KCNQ1: variants seen among roughly 807,000 people sequenced by gnomAD.
The protein encoded by KCNQ1 is potassium voltage-gated channel subfamily Q member 1.
A neutral mutation model predicts 72.4 loss-of-function variants in KCNQ1; 49 were observed. That is an observed-to-expected ratio of 0.68 (90% CI 0.54 to 0.86). KCNQ1 has a LOEUF of 0.86. Among genes scored for constraint, KCNQ1 ranks in the 40% least tolerant of loss-of-function variants. The pLI, the probability that KCNQ1 is intolerant of heterozygous loss-of-function variation, is 0.00. For missense variants in KCNQ1, 790 were observed against 945.1 expected, an observed-to-expected ratio of 0.84 and a Z score of 2.15; for synonymous variants, 450 against 412.6, an observed-to-expected ratio of 1.09 and a Z score of -1.10.
rs79617194 is a variant in KCNQ1 at position 2,582,861 on chromosome 11, G to C, written c.922-574G>C. Among the ~76,000 whole-genome samples, 20 of 152,268 alleles carry C rather than the reference G, an allele frequency of 1.3e-4. No individual in the cohort carries two copies. The East Asian group carries it at 3.3e-3, about 25-fold the overall frequency. On this transcript the variant is annotated intron_variant, in intron 6 of 15. Coordinates refer to ENST00000155840, the MANE Select transcript of KCNQ1 (RefSeq NM_000218.3). ...CAGATGCCAGCGCGGGGGAAAGGGT[G>C]GGGGGAGCCTTCTATTGTCCCACCA...
At chr11:2,619,096 A>G (rs1849119478) in intron 10 of KCNQ1, 5 of 398,352 alleles carry the variant, frequency 1.3e-5, no homozygotes, top group South Asian at 1.3e-4. Flanking sequence ...GGGGTTTTCT[A>G]TATGTAGGAT....
chr11:2,629,202 T>C, intron 10 of KCNQ1: 1 of 398,380 alleles, frequency 2.5e-6, no homozygotes, highest in African/African-American at 2.1e-5. Flanking sequence ...ATTTCGGCAA[T>C]ATTTATTCTA....
rs1351526469 is a variant in KCNQ1, at chr11:2,782,051, CCA to C, written c.1794+4015_1794+4016del. 1.3e-5 allele frequency among the ~76,000 whole-genome samples: 2 copies of C among 152,270 alleles called. No individual in the cohort carries two copies. The highest frequency in any genetic ancestry group is 2.9e-5 in the Non-Finnish European group (2 of 68,010). On this transcript the variant is annotated intron_variant, in intron 15 of 15. Transcript: ENST00000155840. This position sits in a 1 kb window ranked among gnomAD's most constrained non-coding sequence, Gnocchi z 6.1. ...GCCTCCCAGAATTGGGTGTTTGCCC[CCA>C]GACACTGCTACCCTTTCCCTCATTC...
Position 2,651,725 on chromosome 11 carries a change from A to G in KCNQ1, c.1394-10236A>G. On this transcript the variant is annotated intron_variant, in intron 10 of 15. Coordinates refer to ENST00000155840, the MANE Select transcript of KCNQ1 (RefSeq NM_000218.3). This position sits in a 1 kb window ranked among gnomAD's most constrained non-coding sequence, Gnocchi z 6.1. ...CATTTCCTAAGTAAGCATCATCCTC[A>G]TTTCTATACGTTTTCTCTGATTACT... 2.5e-6 allele frequency: 1 copy of G among 398,290 alleles called. No individual in the cohort carries two copies. The highest frequency in any genetic ancestry group is 4.4e-6 in the Non-Finnish European group (1 of 226,022). The allele number at this position is 398,290 out of a possible 1,614,324, so 24.7% of individuals were successfully genotyped here.
At position 2,674,544 on chromosome 11, in the gene KCNQ1, C is replaced by T. The variant is rs1377977434; in HGVS notation, c.1514+12463C>T. ...GCAAAGCCCATTCGGAGGATTTAGA[C>T]AAATACCTCGAGTGAGTGAATCTGA... On this transcript the variant is annotated intron_variant, in intron 11 of 15. Transcript: ENST00000155840. This position sits in a 1 kb window ranked among gnomAD's most constrained non-coding sequence, Gnocchi z 5.9. The T allele has an allele frequency of 2.5e-6, 1 of 398,452 alleles. No individual in the cohort carries two copies. Among genetic ancestry groups the T allele is most frequent in the African/African-American group, 2.1e-5 (1 of 48,628 alleles). The allele number at this position is 398,452 out of a possible 1,614,324, so 24.7% of individuals were successfully genotyped here. A position where few individuals can be genotyped will look rare whatever the true frequency, so the allele number is the denominator to read the frequency against.
intron 1 of KCNQ1, among the ~76,000 whole-genome samples, chr11:2,504,367 T>G (rs1405487354): frequency 6.7e-6 from 1 of 149,758 alleles, no homozygotes; most frequent in Non-Finnish European, 1.5e-5. Context: ...AGATGGTTAA[T>G]GGAAACAAAA....
rs989603315 is a variant in KCNQ1, at chr11:2,514,968, G to A, written c.387-12960G>A. Among the ~76,000 whole-genome samples the A allele has an allele frequency of 3.9e-5, 6 of 152,160 alleles. 1 individual carries two copies. In the East Asian group the frequency reaches 5.8e-4, roughly 15 times the overall value. ...GGCCTTCGCTGTCCTTCCGCACCTC[G>A]CCCCCTTCCCGAGTGGAGGTGCTCT... On this transcript the variant is annotated intron_variant, in intron 1 of 15. Transcript: ENST00000155840.
In KCNQ1 at chr11:2,800,752, C is replaced by T. The variant is rs192116993; in HGVS notation, c.1794+22715C>T. Among the ~76,000 whole-genome samples the T allele has an allele frequency of 3.3e-3, 496 of 152,274 alleles. 2 individuals carry two copies. The highest frequency in any genetic ancestry group is 0.01 in the Middle Eastern group (3 of 294). ...CAACCCTAAAATGGGGACATGCTTGCGGGGGTTCAGGAGATCCCCATTGAG... is the reference window on the plus strand; with the variant it reads ...CAACCCTAAAATGGGGACATGCTTGTGGGGGTTCAGGAGATCCCCATTGAG... On this transcript the variant is annotated intron_variant, in intron 15 of 15. Coordinates refer to ENST00000155840, the MANE Select transcript of KCNQ1 (RefSeq NM_000218.3).
At chr11:2,573,024 C>T (rs1387981678) in intron 6 of KCNQ1, 38 bp downstream of exon 6, 2 of 1,604,786 alleles carry the variant, frequency 1.2e-6, no homozygotes, top group Admixed American at 1.7e-5. Context: ...ACAGGGGCAG[C>T]TCAGGCTGAG....
In KCNQ1 at chr11:2,451,347, TC is replaced by T. The variant is rs1846116508; in HGVS notation, c.386+5865del. On this transcript the variant is annotated intron_variant, in intron 1 of 15. Coordinates refer to ENST00000155840, the MANE Select transcript of KCNQ1 (RefSeq NM_000218.3). The surrounding 1 kb of genome is among the most constrained non-coding windows in gnomAD (Gnocchi z 6.4). Reference sequence around the variant, plus strand: ...TGTGAGAATCTAATGCCACCGCTGATCCAACAGGAGGTAGAGCTCAGGTGGC... The same window carrying T: ...TGTGAGAATCTAATGCCACCGCTGATCAACAGGAGGTAGAGCTCAGGTGGC... 6.6e-6 allele frequency among the ~76,000 whole-genome samples: 1 copy of T among 152,210 alleles called. No individual in the cohort carries two copies. Among genetic ancestry groups the T allele is most frequent in the Non-Finnish European group, 1.5e-5 (1 of 68,036 alleles).
In KCNQ1 at chr11:2,581,655, C is replaced by A. The variant is rs116848340; in HGVS notation, c.922-1780C>A. ...TGTCAGGCTCGGACATGGGGACCAG[C>A]TCCCTTTTCACATGACCTTGTCATC... On this transcript the variant is annotated intron_variant, in intron 6 of 15. Transcript: ENST00000155840. 4.3e-4 allele frequency among the ~76,000 whole-genome samples: 65 copies of A among 152,380 alleles called. No individual in the cohort carries two copies. The East Asian group carries it at 8.9e-3, about 21-fold the overall frequency.
chr11:2,532,401 C>A (rs556226889), intron 2 of KCNQ1, among the ~76,000 whole-genome samples: 1 of 152,342 alleles, frequency 6.6e-6, no homozygotes, highest in East Asian at 1.9e-4. Context: ...ACTCGCCTTG[C>A]CACACTTCCC....
rs1846114578 is a variant in KCNQ1 at position 2,451,167 on chromosome 11, A to G, written c.386+5683A>G. 3.9e-5 allele frequency among the ~76,000 whole-genome samples: 6 copies of G among 152,326 alleles called. No homozygotes were observed. The South Asian group carries it at 1.2e-3, about 32-fold the overall frequency. ...AGCAGTCCCCAACCTTTTTAGTACC[A>G]GAGACCTGTTTTATGGAAGAAAGAT... On this transcript the variant is annotated intron_variant, in intron 1 of 15. Transcript: ENST00000155840. This position sits in a 1 kb window ranked among gnomAD's most constrained non-coding sequence, Gnocchi z 6.4.
In KCNQ1 at chr11:2,677,215, TCAAC is replaced by T; in HGVS notation, c.1514+15138_1514+15141del. ...GACTGACCTCTTTGGCTGTCTCTTG[TCAAC>T]CAAAGACAATATAAAGCACACACAA... is the stretch of plus-strand genomic sequence containing the variant. On this transcript the variant is annotated intron_variant, in intron 11 of 15. Transcript: ENST00000155840. The surrounding 1 kb of genome is among the most constrained non-coding windows in gnomAD (Gnocchi z 4.5). 7.5e-6 allele frequency: 3 copies of T among 398,604 alleles called. No homozygotes were observed. The highest frequency in any genetic ancestry group is 1.3e-5 in the Non-Finnish European group (3 of 226,058). 24.7% of individuals were successfully genotyped at this position (398,604 alleles called of 1,614,324 possible).
chr11:2,575,456 A>G (rs929685763), intron 6 of KCNQ1, among the ~76,000 whole-genome samples: 5 of 152,138 alleles, frequency 3.3e-5, no homozygotes, highest in African/African-American at 1.2e-4. Flanking sequence ...GGCCTGAGTT[A>G]TGGGCTGTGT....
chr11:2,825,095 G>T (rs1241514484), intron 15 of KCNQ1, among the ~76,000 whole-genome samples: 1 of 152,242 alleles, frequency 6.6e-6, no homozygotes, highest in Non-Finnish European at 1.5e-5. Context: ...CCTCAGCCTG[G>T]ACACGGCTGT....
rs1220753069 is a variant in KCNQ1, at chr11:2,750,080, C to T, written c.1515-18764C>T. On this transcript the variant is annotated intron_variant, in intron 11 of 15. Coordinates refer to ENST00000155840, the MANE Select transcript of KCNQ1 (RefSeq NM_000218.3). This position sits in a 1 kb window ranked among gnomAD's most constrained non-coding sequence, Gnocchi z 6.3. ...ACAGCCAAGAGGCCAGGAAGCGGAG[C>T]CTGGGTGCAGGGGCATCTTGCTGGT... Among the ~76,000 whole-genome samples the T allele has an allele frequency of 2.6e-5, 4 of 152,110 alleles. No individual in the cohort carries two copies. Among genetic ancestry groups the T allele is most frequent in the Admixed American group, 2.6e-4 (4 of 15,278 alleles).
intron 1 of KCNQ1, among the ~76,000 whole-genome samples, chr11:2,459,846 C>T (rs774701611): frequency 1.3e-5 from 2 of 152,010 alleles, no homozygotes; most frequent in Admixed American, 6.5e-5. Flanking sequence ...CACAGGTGGC[C>T]AAAACCTGCG....
At chr11:2,470,210 C>T (rs555166006) in intron 1 of KCNQ1, among the ~76,000 whole-genome samples, 25 of 152,326 alleles carry the variant, frequency 1.6e-4, no homozygotes, top group African/African-American at 5.8e-4. Flanking sequence ...CTCAAATCAT[C>T]GAGGTTTATT....
Sources: allele counts gnomAD v4.1 joint callset (sites outside exome capture counted in the v4.1 genomes callset), GRCh38; gene constraint gnomAD v4.1.1; non-coding constraint Gnocchi (gnomAD v3.1); transcripts MANE v1.5; gene names NCBI Gene and HGNC (gene_info 2026-07-23, HGNC 2026-07-21).